The following POF1B variants were observed in gnomAD, a reference collection of about 807,000 sequenced individuals.
POF1B encodes the protein protein POF1B.
In POF1B, 53 loss-of-function variants were observed where a neutral mutation model predicts 55.3. The ratio of observed to expected loss-of-function variants is 0.96; its 90% CI spans 0.77 to 1.20. The LOEUF is 1.20. POF1B is among the 50% of genes most tolerant of loss of function. The pLI is 0.00. For synonymous variants in POF1B, 188 were observed against 148.3 expected (o/e 1.27, Z -1.95); for missense variants, 478 against 420.5 (o/e 1.14, Z -1.20).
chrX:85,369,802 T>C (rs1049503778), intron 2 of POF1B, among the ~76,000 whole-genome samples: 2 of 111,997 alleles, frequency 1.8e-5, no homozygotes. Flanking sequence ...GAACAGATAC[T>C]GCCCAACTAA....
intron 7 of POF1B, among the ~76,000 whole-genome samples, chrX:85,320,018 T>G (rs1277617835): frequency 1.8e-5 from 2 of 111,309 alleles, no homozygotes; most frequent in Non-Finnish European, 3.8e-5. Flanking sequence ...TTTTTCTATT[T>G]GCTAGGCTCT....
At chrX:85,347,700 A>G (rs982766418) in intron 5 of POF1B, among the ~76,000 whole-genome samples, 2 of 111,499 alleles carry the variant, frequency 1.8e-5, no homozygotes, top group African/African-American at 6.5e-5. Context: ...TTTTACAAAT[A>G]GAAGTTGCCT....
chrX:85,279,386 C>T lies in POF1B; in HGVS notation c.*35G>A, dbSNP rs768556295. 4.1e-5 allele frequency: 48 copies of T among 1,159,949 alleles called. No individual in the cohort carries two copies. The highest frequency in any genetic ancestry group is 3.4e-4 in the South Asian group (18 of 52,659). On this transcript the variant is annotated 3_prime_UTR_variant, in exon 17 of 17. Transcript: ENST00000262753. ...CAGAGACACACACACAAAAAAAAAACGGCTTTGAGTTGTAATACTTTAAAG... is the reference window on the plus strand; with the variant it reads ...CAGAGACACACACACAAAAAAAAAATGGCTTTGAGTTGTAATACTTTAAAG...
chrX:85,313,283 G>T (rs747492925), intron 9 of POF1B, among the ~76,000 whole-genome samples: 69 of 111,668 alleles, frequency 6.2e-4, no homozygotes, highest in African/African-American at 1.9e-3. Flanking sequence ...TCCAGCTTTT[G>T]TCCATTCAGT....
At chrX:85,337,345 T>C (rs191083436) in intron 6 of POF1B, among the ~76,000 whole-genome samples, 3 of 111,959 alleles carry the variant, frequency 2.7e-5, no homozygotes, top group African/African-American at 9.7e-5. Flanking sequence ...TGTCAGGTTA[T>C]GAGGGATGGG....
In POF1B at chrX:85,307,224, G is replaced by C; in HGVS notation, c.1103C>G (p.Thr368Ser). ...RLEKDLSFKD[T>S]QLKEYEELLA... Reference sequence around the variant, plus strand: ...GAGTTCTTCGTACTCTTTTAATTGAGTGTCTTTGAATGATAAATCTTTCTC... The same window carrying C: ...GAGTTCTTCGTACTCTTTTAATTGACTGTCTTTGAATGATAAATCTTTCTC... The change falls in exon 11 of 17, where the codon ACT becomes AGT. Residue 368 changes from threonine to serine, a missense_variant. By Grantham distance (58) the Thr-to-Ser change is moderately conservative. Transcript: ENST00000262753. 8.3e-7 allele frequency: 1 copy of C among 1,205,061 alleles called. No individual in the cohort carries two copies. Among genetic ancestry groups the C allele is most frequent in the Non-Finnish European group, 1.1e-6 (1 of 891,941 alleles).
intron 4 of POF1B, among the ~76,000 whole-genome samples, chrX:85,356,924 C>CT (rs781257312): frequency 1.8e-5 from 2 of 111,387 alleles, no homozygotes; most frequent in South Asian, 3.8e-4. Flanking sequence ...GTGGAAGAAA[C>CT]TTTTTTAAAA....
intron 6 of POF1B, among the ~76,000 whole-genome samples, chrX:85,336,838 T>C (rs943317106): frequency 1.4e-4 from 16 of 111,598 alleles, no homozygotes; most frequent in African/African-American, 5.2e-4. Context: ...CGGTTGTTTG[T>C]GCTTCTGGGT....
rs138898753 is a variant in POF1B at position 85,297,079 on chromosome X, C to T, written c.1649+6327G>A. Among the ~76,000 whole-genome samples, 593 of 111,728 alleles carry T rather than the reference C, an allele frequency of 5.3e-3. 6 individuals are homozygous for T. Among genetic ancestry groups the T allele is most frequent in the African/African-American group, 0.018 (565 of 30,766 alleles). ...GTAATTTTTTCAATTCCAGAAGTTC[C>T]ATTTGGTTCTTTCTTAAAGTGGCTA... On this transcript the variant is annotated intron_variant, in intron 15 of 16. Coordinates refer to ENST00000262753, the MANE Select transcript of POF1B (RefSeq NM_024921.4).
chrX:85,307,671 G>T (rs1932607421), intron 10 of POF1B, among the ~76,000 whole-genome samples: 1 of 111,813 alleles, frequency 8.9e-6, no homozygotes, highest in African/African-American at 3.2e-5. Flanking sequence ...TGTGTGGAAA[G>T]CATTCTGAAT....
intron 4 of POF1B, among the ~76,000 whole-genome samples, chrX:85,354,410 T>A (rs901310214): frequency 9.5e-4 from 105 of 110,656 alleles, no homozygotes; most frequent in African/African-American, 3.4e-3. Context: ...GATATGAACC[T>A]TCATCTTAGG....
chrX:85,307,018 C>G (rs1932588550), intron 11 of POF1B, 145 bp downstream of exon 11: 1 of 430,724 alleles, frequency 2.3e-6, no homozygotes, highest in Non-Finnish European at 3.9e-6. Flanking sequence ...TTAGAAATAC[C>G]CAAAGCCACT....
At position 85,331,081 on chromosome X, in the gene POF1B, T is replaced by C. The variant is rs1932971125; in HGVS notation, c.724-2A>G. 1 of 1,197,530 alleles carries C rather than the reference T, an allele frequency of 8.4e-7. No homozygotes were observed. The highest frequency in any genetic ancestry group is 1.1e-6 in the Non-Finnish European group (1 of 889,080). On this transcript the variant is annotated splice_acceptor_variant, in intron 6 of 16. Transcript: ENST00000262753. LOFTEE classifies it high-confidence loss of function. ...AGGGCCATCATCCTGAATTATCACC[T>C]GAAGCAAACATCAATCACAATTGTA... is the stretch of plus-strand genomic sequence containing the variant.
At chrX:85,299,191 CTTTTTTTTTTT>C (rs765012797) in intron 15 of POF1B, among the ~76,000 whole-genome samples, 1 of 74,887 alleles carries the variant, frequency 1.3e-5, no homozygotes, top group Non-Finnish European at 2.6e-5. Context: ...CTTTTTTTTT[CTTTTTTTTTTT>C]TTTTTTTGAG....
intron 8 of POF1B, among the ~76,000 whole-genome samples, chrX:85,315,407 C>T (rs973489880): frequency 1.5e-4 from 17 of 110,960 alleles, no homozygotes; most frequent in African/African-American, 5.5e-4. Context: ...TAAATAAATA[C>T]ACCTACTATG....
intron 7 of POF1B, 102 bp from the exon 8 acceptor site, chrX:85,315,836 T>C: frequency 5.0e-6 from 3 of 605,515 alleles, no homozygotes; most frequent in Non-Finnish European, 7.1e-6. Context: ...TTTTGAAATA[T>C]AAGAGGACTT....
intron 7 of POF1B, among the ~76,000 whole-genome samples, chrX:85,327,293 G>T (rs1932907311): frequency 9.0e-6 from 1 of 111,180 alleles, no homozygotes; most frequent in African/African-American, 3.3e-5. Context: ...CCCTTTCAGG[G>T]TTCCCAGATT....
intron 9 of POF1B, among the ~76,000 whole-genome samples, chrX:85,311,607 G>T (rs1445423256): frequency 8.9e-6 from 1 of 111,869 alleles, no homozygotes; most frequent in Non-Finnish European, 1.9e-5. Context: ...AATTTGGGTT[G>T]GTTCCAAGTC....
Position 85,278,842 on chromosome X carries a change from T to C in POF1B, c.*579A>G. On this transcript the variant is annotated 3_prime_UTR_variant, in exon 17 of 17. Coordinates refer to ENST00000262753, the MANE Select transcript of POF1B (RefSeq NM_024921.4). ...TATTCCACTTCCCTGCTAAATGAAA[T>C]TAATCATCACCTTTGACTTTCAAGA... 1 of 111,128 alleles carries C rather than the reference T, an allele frequency of 9.0e-6. No homozygotes were observed. The highest frequency in any genetic ancestry group is 2.8e-4 in the East Asian group (1 of 3,518). 9.2% of individuals were successfully genotyped at this position (111,128 alleles called of 1,213,427 possible).
Sources: allele counts gnomAD v4.1 joint callset (sites outside exome capture counted in the v4.1 genomes callset), GRCh38; gene constraint gnomAD v4.1.1; transcripts MANE v1.5; gene names NCBI Gene and HGNC (gene_info 2026-07-23, HGNC 2026-07-21).